Variants in MSTO1 observed in about 807,000 individuals in gnomAD.
MSTO1 encodes the protein misato mitochondrial distribution and morphology regulator 1, also known as protein misato homolog 1.
Under a neutral mutation model 55.7 loss-of-function variants are expected in MSTO1, and 24 were observed. The observed-to-expected ratio is 0.43, with a 90% confidence interval of 0.31 to 0.61. The LOEUF (loss-of-function observed/expected upper bound fraction) is 0.61, where lower values mean the gene tolerates loss of function less well. Among genes scored for constraint, MSTO1 ranks in the 20% least tolerant of loss-of-function variants. The pLI is 0.09. For synonymous variants in MSTO1, 162 were observed against 252.8 expected (o/e 0.64, Z 3.41); for missense variants, 363 against 625.7 (o/e 0.58, Z 4.48).
chr1:155,608,888 G>GAT (rs1673138456), upstream of MSTO1, among the ~76,000 whole-genome samples: 1 of 151,080 alleles, frequency 6.6e-6, no homozygotes, highest in African/African-American at 2.4e-5. Context: ...GCAGTGGCGT[G>GAT]ATATCGGCTC....
chr1:155,602,800 C>G, the MSTO1 span, among the ~76,000 whole-genome samples: 1 of 151,952 alleles, frequency 6.6e-6, no homozygotes, highest in Admixed American at 6.6e-5. Flanking sequence ...TTTCAAGGTA[C>G]AGCCTCCAAT....
the MSTO1 span, among the ~76,000 whole-genome samples, chr1:155,569,054 A>G: frequency 6.6e-6 from 1 of 151,856 alleles, no homozygotes; most frequent in African/African-American, 2.4e-5. Flanking sequence ...GGGTTTCAGC[A>G]TGTTGGTCAG....
the MSTO1 span, among the ~76,000 whole-genome samples, chr1:155,564,444 A>G: frequency 2.6e-5 from 4 of 152,184 alleles, no homozygotes; most frequent in Non-Finnish European, 4.4e-5. Context: ...CAGTGAGCCG[A>G]GATGGTGCCA....
chr1:155,583,721 A>C, the MSTO1 span, among the ~76,000 whole-genome samples: 10 of 152,066 alleles, frequency 6.6e-5, no homozygotes, highest in African/African-American at 2.4e-4. Context: ...ACATAGGCAA[A>C]ATAATAGCTC....
chr1:155,577,084 T>TG, the MSTO1 span, among the ~76,000 whole-genome samples: 2 of 149,870 alleles, frequency 1.3e-5, no homozygotes, highest in African/African-American at 4.9e-5. Context: ...TTTGTCTTTT[T>TG]TTTGTTTGTT....
In MSTO1 at chr1:155,614,676, A is replaced by G. The variant is rs565059826; in HGVS notation, c.*403A>G. The stretch of plus-strand genomic sequence containing the variant: ...TACAACTACCCGCCTCCCCGGTGCC[A>G]GGGCGCCTGTTGGGTTTGGTCCTGT... On this transcript the variant is annotated 3_prime_UTR_variant, in exon 14 of 14. Transcript: ENST00000245564. 3.6e-5 allele frequency: 53 copies of G among 1,485,022 alleles called. No homozygotes were observed. Among genetic ancestry groups the G allele is most frequent in the Non-Finnish European group, 4.7e-5 (50 of 1,065,146 alleles). 92.0% of individuals were successfully genotyped at this position (1,485,022 alleles called of 1,614,324 possible).
At chr1:155,587,310 C>T in the MSTO1 span, among the ~76,000 whole-genome samples, 1 of 148,922 alleles carries the variant, frequency 6.7e-6, no homozygotes, top group Non-Finnish European at 1.5e-5. Flanking sequence ...CGTGGTGGCA[C>T]GCGCTGGTAA....
intron 11 of MSTO1, 104 bp from the exon 12 acceptor site, chr1:155,613,358 G>A: frequency 1.9e-6 from 3 of 1,556,336 alleles, no homozygotes; most frequent in East Asian, 2.3e-5. Context: ...AAAAAAAAAA[G>A]GGCTTTGAAT....
the MSTO1 span, among the ~76,000 whole-genome samples, chr1:155,600,087 C>T: frequency 6.6e-5 from 10 of 152,318 alleles, no homozygotes; most frequent in South Asian, 2.1e-4. Context: ...AGACCCTTTA[C>T]GGGTGTCGGG....
the MSTO1 span, chr1:155,566,237 T>C: frequency 6.6e-6 from 1 of 152,236 alleles, no homozygotes; most frequent in Non-Finnish European, 1.5e-5. Flanking sequence ...CACGTTAATA[T>C]TTAGTTTGGC....
the MSTO1 span, among the ~76,000 whole-genome samples, chr1:155,579,115 C>T: frequency 6.6e-6 from 1 of 151,374 alleles, no homozygotes; most frequent in Non-Finnish European, 1.5e-5. Context: ...CAAGACCAGC[C>T]TGACCAACAT....
the MSTO1 span, among the ~76,000 whole-genome samples, chr1:155,598,200 T>G: frequency 6.6e-6 from 1 of 150,902 alleles, no homozygotes; most frequent in East Asian, 2.0e-4. Flanking sequence ...CACCACAACC[T>G]CTGCCTCCCT....
the MSTO1 span, among the ~76,000 whole-genome samples, chr1:155,600,975 C>CTTTTTT: frequency 2.4e-4 from 28 of 119,138 alleles, no homozygotes; most frequent in Admixed American, 1.8e-3. Context: ...TGTGCTAGGC[C>CTTTTTT]TTTTTTTTTT....
At chr1:155,595,131 C>T in the MSTO1 span, among the ~76,000 whole-genome samples, 6 of 117,944 alleles carry the variant, frequency 5.1e-5, no homozygotes, top group South Asian at 2.6e-4. Context: ...GAGCGAGATT[C>T]TGTCTAAAAA....
the MSTO1 span, among the ~76,000 whole-genome samples, chr1:155,588,199 C>T: frequency 9.8e-6 from 1 of 102,046 alleles, no homozygotes; most frequent in Non-Finnish European, 1.9e-5. Context: ...CAGAGTGAGA[C>T]TGTGTCTCAA....
the MSTO1 span, among the ~76,000 whole-genome samples, chr1:155,579,267 C>A: frequency 6.6e-6 from 1 of 151,722 alleles, no homozygotes; most frequent in South Asian, 2.1e-4. Context: ...GAGCCGAGAT[C>A]AAGCCATTGC....
chr1:155,602,094 G>T, the MSTO1 span: 1 of 695,646 alleles, frequency 1.4e-6, no homozygotes, highest in Non-Finnish European at 2.7e-6. Flanking sequence ...GTGAAAAATT[G>T]CCGGGATGTT....
upstream of MSTO1, among the ~76,000 whole-genome samples, chr1:155,607,204 C>A (rs971055925): frequency 4.0e-5 from 6 of 151,562 alleles, no homozygotes; most frequent in African/African-American, 1.5e-4. Context: ...GAGTTGGAGT[C>A]TTTCTCTGTC....
At chr1:155,587,312 C>T in the MSTO1 span, among the ~76,000 whole-genome samples, 1 of 151,614 alleles carries the variant, frequency 6.6e-6, no homozygotes, top group Admixed American at 6.6e-5. Context: ...TGGTGGCACG[C>T]GCTGGTAATC....
Sources: allele counts gnomAD v4.1 joint callset (sites outside exome capture counted in the v4.1 genomes callset), GRCh38; gene constraint gnomAD v4.1.1; transcripts MANE v1.5; gene names NCBI Gene and HGNC (gene_info 2026-07-23, HGNC 2026-07-21).